The following ATP2B4 variants were observed in gnomAD, a reference collection of about 807,000 sequenced individuals.
ATP2B4 encodes ATPase plasma membrane Ca2+ transporting 4.
In ATP2B4, 39 loss-of-function variants were observed where a neutral mutation model predicts 110.3. The ratio of observed to expected loss-of-function variants is 0.35; its 90% CI spans 0.27 to 0.46. The LOEUF (loss-of-function observed/expected upper bound fraction) is 0.46, where lower values mean the gene tolerates loss of function less well. Among genes scored for constraint, ATP2B4 ranks in the 20% least tolerant of loss-of-function variants. The probability of loss-of-function intolerance (pLI) is 1.00; values close to 1 mark genes in which losing one functional copy is unlikely to be tolerated. For missense variants in ATP2B4, 1,135 were observed against 1,530.9 expected, an observed-to-expected ratio of 0.74 and a Z score of 4.32; for synonymous variants, 538 against 571.7, an observed-to-expected ratio of 0.94 and a Z score of 0.84.
At chr1:203,726,806 C>A (rs572412823) in intron 19 of ATP2B4, among the ~76,000 whole-genome samples, 1 of 152,160 alleles carries the variant, frequency 6.6e-6, no homozygotes, top group Non-Finnish European at 1.5e-5. Flanking sequence ...ACTCATGTGA[C>A]CCCTCTTCTA....
At chr1:203,725,904 C>CTTTTTTTTTTTTTTTTTTTTTTTTTT (rs756184004) in intron 19 of ATP2B4, among the ~76,000 whole-genome samples, 1 of 93,378 alleles carries the variant, frequency 1.1e-5, no homozygotes, top group Non-Finnish European at 2.0e-5. Flanking sequence ...CTTTTCTTTT[C>CTTTTTTTTTTTTTTTTTTTTTTTTTT]TTTTTTTTTT....
intron 1 of ATP2B4, among the ~76,000 whole-genome samples, chr1:203,651,094 G>T (rs1663978789): frequency 1.3e-5 from 2 of 151,980 alleles, no homozygotes; most frequent in African/African-American, 4.8e-5. Flanking sequence ...TTGTTAAATG[G>T]CTATTTTAGA....
chr1:203,701,092 G>A (rs925235892), intron 6 of ATP2B4, among the ~76,000 whole-genome samples, 169 bp downstream of exon 6: 2 of 151,820 alleles, frequency 1.3e-5, no homozygotes, highest in Non-Finnish European at 2.9e-5. Context: ...TGGCTCCAGG[G>A]AGCTCTGATG....
intron 9 of ATP2B4, 44 bp downstream of exon 9, chr1:203,707,267 G>A (rs1401777225): frequency 1.3e-6 from 2 of 1,550,968 alleles, no homozygotes; most frequent in Admixed American, 1.7e-5. Flanking sequence ...GATAGAGATG[G>A]GAGAGAAGGG....
chr1:203,666,853 C>T (rs1449169984), intron 1 of ATP2B4, among the ~76,000 whole-genome samples: 1 of 152,222 alleles, frequency 6.6e-6, no homozygotes, highest in African/African-American at 2.4e-5. Context: ...GTCTTGGAAA[C>T]CATGACAACC....
chr1:203,638,608 T>C (rs1663533762), intron 1 of ATP2B4, among the ~76,000 whole-genome samples: 1 of 152,016 alleles, frequency 6.6e-6, no homozygotes, highest in South Asian at 2.1e-4. Context: ...CTGGGTTAGT[T>C]TGAGGCAGAG....
At chr1:203,706,976 G>A (rs909026108) in intron 8 of ATP2B4, 33 bp from the exon 9 acceptor site, 4 of 1,599,592 alleles carry the variant, frequency 2.5e-6, no homozygotes, top group Non-Finnish European at 3.4e-6. Flanking sequence ...CTGCCCTCCA[G>A]CCTGGGTTCA....
chr1:203,726,932 A>G (rs920994732), intron 19 of ATP2B4, among the ~76,000 whole-genome samples: 1 of 152,102 alleles, frequency 6.6e-6, no homozygotes, highest in African/African-American at 2.4e-5. Flanking sequence ...GGGGTCATTC[A>G]TTTCCAATAC....
intron 9 of ATP2B4, among the ~76,000 whole-genome samples, 188 bp from the exon 10 acceptor site, chr1:203,707,674 G>A (rs573206715): frequency 6.6e-6 from 1 of 152,200 alleles, no homozygotes; most frequent in East Asian, 1.9e-4. Context: ...CAGGTGATCT[G>A]CCCGTCTCAG....
chr1:203,634,953 C>T (rs956304976), intron 1 of ATP2B4, among the ~76,000 whole-genome samples: 44 of 151,970 alleles, frequency 2.9e-4, no homozygotes, highest in African/African-American at 8.9e-4. Flanking sequence ...CATGAACCAC[C>T]GCACCCGGCC....
intron 2 of ATP2B4, 49 bp downstream of exon 2, chr1:203,683,447 T>C: frequency 6.6e-7 from 1 of 1,512,618 alleles, no homozygotes; most frequent in Non-Finnish European, 8.9e-7. Flanking sequence ...GGCTAGTGTT[T>C]CAAAATATTG....
At chr1:203,632,866 AAG>A (rs1049582114) in intron 1 of ATP2B4, among the ~76,000 whole-genome samples, 2 of 152,184 alleles carry the variant, frequency 1.3e-5, no homozygotes, top group African/African-American at 4.8e-5. Context: ...ACTATGGAAA[AAG>A]AGAGATATAA....
At chr1:203,707,321 A>G in intron 9 of ATP2B4, 98 bp downstream of exon 9, 4 of 1,263,284 alleles carry the variant, frequency 3.2e-6, no homozygotes. Context: ...TCTATCATCT[A>G]TAAACTTTGG....
At chr1:203,671,745 TAA>T (rs1664669519) in intron 1 of ATP2B4, among the ~76,000 whole-genome samples, 1 of 152,208 alleles carries the variant, frequency 6.6e-6, no homozygotes, top group Admixed American at 6.5e-5. Context: ...CCACCTTGAC[TAA>T]AATCTTGGGT....
intron 8 of ATP2B4, among the ~76,000 whole-genome samples, chr1:203,705,443 A>G (rs1665822962): frequency 6.6e-6 from 1 of 152,200 alleles, no homozygotes; most frequent in Admixed American, 6.5e-5. Context: ...CTGTCACCCA[A>G]GCTGGAGTGC....
rs373766703 is a variant in ATP2B4, at chr1:203,703,847, A to G, written c.1099+34A>G. On this transcript the variant is annotated intron_variant, in intron 8 of 20. Coordinates refer to ENST00000357681, the MANE Select transcript of ATP2B4 (RefSeq NM_001684.5). Reference sequence around the variant, plus strand: ...GGTAGAGCCTCGTTGTGGTTTATCAATGTTGTCTTGGATCCTCATCACTTT... The same window carrying G: ...GGTAGAGCCTCGTTGTGGTTTATCAGTGTTGTCTTGGATCCTCATCACTTT... The G allele has an allele frequency of 4.6e-5, 74 of 1,604,756 alleles. No individual in the cohort carries two copies. The African/African-American group carries it at 7.1e-4, about 15-fold the overall frequency.
chr1:203,690,384 C>T (rs1665331030), intron 2 of ATP2B4, among the ~76,000 whole-genome samples: 1 of 152,206 alleles, frequency 6.6e-6, no homozygotes, highest in East Asian at 1.9e-4. Flanking sequence ...ACTATTAATA[C>T]ATCTAACACT....
intron 2 of ATP2B4, among the ~76,000 whole-genome samples, chr1:203,692,693 A>G (rs1665418553): frequency 6.6e-6 from 1 of 152,168 alleles, no homozygotes; most frequent in Non-Finnish European, 1.5e-5. Context: ...TCTGGGGCTG[A>G]GCTGGTTCTG....
intron 2 of ATP2B4, among the ~76,000 whole-genome samples, chr1:203,688,030 TA>T (rs1665254270): frequency 6.8e-6 from 1 of 146,222 alleles, no homozygotes; most frequent in Non-Finnish European, 1.5e-5. Flanking sequence ...TTATTATTAT[TA>T]TTATTATTTT....
Sources: allele counts gnomAD v4.1 joint callset (sites outside exome capture counted in the v4.1 genomes callset), GRCh38; gene constraint gnomAD v4.1.1; transcripts MANE v1.5; gene names NCBI Gene and HGNC (gene_info 2026-07-23, HGNC 2026-07-21).